Variants in MAPK10 observed in about 807,000 individuals in gnomAD.
The protein encoded by MAPK10 is mitogen-activated protein kinase 10.
A neutral mutation model predicts 59.3 loss-of-function variants in MAPK10; 25 were observed. The ratio of observed to expected loss-of-function variants is 0.42; its 90% CI spans 0.31 to 0.59. The LOEUF is 0.59. Ranked by LOEUF, MAPK10 falls within the 20% of genes least tolerant of loss-of-function variation. The pLI is 0.15. For synonymous variants in MAPK10, 190 were observed against 200.5 expected (o/e 0.95, Z 0.44); for missense variants, 351 against 568.9 (o/e 0.62, Z 3.90).
At position 86,577,461 on chromosome 4, in the gene MAPK10, A is replaced by C. The variant is rs138998192; in HGVS notation, c.-263+16449T>G. On this transcript the variant is annotated intron_variant, in intron 1 of 4. Transcript: ENST00000502302. ...CAGAACAATGATACAAAGAAATTCC[A>C]GAATGACATCTATGCAGCAGGCCTA... Among the ~76,000 whole-genome samples, 219 of 152,322 alleles carry C rather than the reference A, an allele frequency of 1.4e-3. 2 individuals carry two copies. The highest frequency in any genetic ancestry group is 5.0e-3 in the African/African-American group (207 of 41,578).
chr4:86,192,640 C>T (rs1301894572), intron 3 of MAPK10: 1 of 151,992 alleles, frequency 6.6e-6, no homozygotes, highest in Non-Finnish European at 1.5e-5. Context: ...TTATGTTCTT[C>T]TCTAAACTGG....
intron 5 of MAPK10, among the ~76,000 whole-genome samples, chr4:86,106,260 G>C (rs954984967): frequency 6.6e-6 from 1 of 151,960 alleles, no homozygotes; most frequent in Non-Finnish European, 1.5e-5. Context: ...GCGAGCATTA[G>C]GACAAGATCC....
At chr4:86,410,385 A>C (rs966597942) in intron 1 of MAPK10, among the ~76,000 whole-genome samples, 1 of 152,202 alleles carries the variant, frequency 6.6e-6, no homozygotes, top group African/African-American at 2.4e-5. Context: ...TGTCTCTGCC[A>C]GACTTTTGTA....
intron 1 of MAPK10, among the ~76,000 whole-genome samples, chr4:86,577,574 G>T (rs1306577473): frequency 6.6e-6 from 1 of 152,124 alleles, no homozygotes; most frequent in African/African-American, 2.4e-5. Flanking sequence ...TGCCAACCTT[G>T]TTGAGAGGAG....
At chr4:86,284,196 A>G (rs949252367) in intron 2 of MAPK10, among the ~76,000 whole-genome samples, 3 of 152,190 alleles carry the variant, frequency 2.0e-5, no homozygotes, top group Non-Finnish European at 4.4e-5. Flanking sequence ...GGAACATGCT[A>G]TTATTATCTC....
intron 1 of MAPK10, chr4:86,358,235 T>C: frequency 2.0e-6 from 2 of 985,402 alleles, no homozygotes; most frequent in Non-Finnish European, 2.4e-6. Context: ...CAGAAGCTTC[T>C]CTGAGAGAAA....
chr4:86,069,767 C>T (rs918732498), intron 9 of MAPK10, among the ~76,000 whole-genome samples: 3 of 151,908 alleles, frequency 2.0e-5, no homozygotes, highest in African/African-American at 7.2e-5. Flanking sequence ...AAAATAGAGG[C>T]AAAGAAGATG....
At chr4:86,024,568 C>T (rs1749198477) in intron 13 of MAPK10, 1 of 152,192 alleles carries the variant, frequency 6.6e-6, no homozygotes, top group African/African-American at 2.4e-5. Flanking sequence ...TACTTCATTT[C>T]TCCTGTCTTC....
rs146353483 is a variant in MAPK10 at position 86,274,703 on chromosome 4, T to C, written c.-7+79827A>G. The stretch of plus-strand genomic sequence containing the variant: ...ATGCCAATCTGCATGGTAAACTGAT[T>C]AGGCAGAGGAACAGAGGAAAACCTG... On this transcript the variant is annotated intron_variant, in intron 2 of 13. Transcript: ENST00000641462. Among the ~76,000 whole-genome samples, 1,146 of 152,110 alleles carry C rather than the reference T, an allele frequency of 7.5e-3. 10 individuals carry two copies. Among genetic ancestry groups the C allele is most frequent in the African/African-American group, 0.025 (1,047 of 41,542 alleles).
intron 2 of MAPK10, among the ~76,000 whole-genome samples, chr4:86,330,724 T>C (rs1157915652): frequency 6.6e-6 from 1 of 152,194 alleles, no homozygotes; most frequent in East Asian, 1.9e-4. Context: ...ACCTCTTTCC[T>C]TTATAAATTA....
chr4:86,199,596 G>A (rs536726725), intron 2 of MAPK10, among the ~76,000 whole-genome samples: 10 of 152,162 alleles, frequency 6.6e-5, no homozygotes, highest in Middle Eastern at 3.4e-3. Flanking sequence ...GGGAAGGGGC[G>A]TGCAGGGAGC....
At chr4:86,172,547 G>C (rs763937337) in intron 3 of MAPK10, among the ~76,000 whole-genome samples, 22 of 150,662 alleles carry the variant, frequency 1.5e-4, no homozygotes, top group Non-Finnish European at 2.5e-4. Context: ...ACACAGGAAG[G>C]GGAATATCAC....
chr4:86,386,323 G>C lies in MAPK10; in HGVS notation c.-121-31679C>G, dbSNP rs185635077. 2.8e-4 allele frequency among the ~76,000 whole-genome samples: 42 copies of C among 152,340 alleles called. No homozygotes were observed. In the East Asian group the frequency reaches 7.9e-3, roughly 29 times the overall value. ...AGTGGAAGCTTGAGAAAAGTTAGCA[G>C]GAATGCTCAGGTGTACCATACTCCC... On this transcript the variant is annotated intron_variant, in intron 1 of 13. Transcript: ENST00000361569.
intron 1 of MAPK10, among the ~76,000 whole-genome samples, chr4:86,394,584 A>G (rs1463551604): frequency 6.6e-6 from 1 of 152,134 alleles, no homozygotes; most frequent in Non-Finnish European, 1.5e-5. Flanking sequence ...GCTGAGAAAC[A>G]TTTATTTAAT....
chr4:86,580,183 A>C (rs1307979069), intron 1 of MAPK10, among the ~76,000 whole-genome samples: 1 of 152,130 alleles, frequency 6.6e-6, no homozygotes, highest in Non-Finnish European at 1.5e-5. Context: ...GAAACAAATT[A>C]ATAATTAGAC....
intron 1 of MAPK10, among the ~76,000 whole-genome samples, chr4:86,430,713 G>C (rs903157782): frequency 1.1e-4 from 16 of 152,146 alleles, no homozygotes; most frequent in African/African-American, 3.6e-4. Flanking sequence ...AAGAGGTGTG[G>C]CAGTACATGT....
rs149275263 is a variant in MAPK10 at position 86,081,406 on chromosome 4, G to A, written c.803-13451C>T. On this transcript the variant is annotated intron_variant, in intron 9 of 13. Coordinates refer to ENST00000641462, the MANE Select transcript of MAPK10 (RefSeq NM_138982.4). ...TTCTAAAACTATTATAAAATAAAAT[G>A]GGAAAATAATCCAAATACAAGAAGA... 55 of 151,718 alleles carry A rather than the reference G, an allele frequency of 3.6e-4. 1 individual carries two copies. The East Asian group carries it at 9.9e-3, about 27-fold the overall frequency. 9.4% of individuals were successfully genotyped at this position (151,718 alleles called of 1,614,324 possible). A position where few individuals can be genotyped will look rare whatever the true frequency, so the allele number is the denominator to read the frequency against.
At chr4:86,437,978 G>A (rs1443194509) in intron 1 of MAPK10, among the ~76,000 whole-genome samples, 1 of 152,164 alleles carries the variant, frequency 6.6e-6, no homozygotes, top group Non-Finnish European at 1.5e-5. Context: ...TTGTTCAAAA[G>A]TCAAACAAAA....
intron 2 of MAPK10, among the ~76,000 whole-genome samples, chr4:86,201,243 T>G (rs1465014492): frequency 6.6e-6 from 1 of 151,916 alleles, no homozygotes; most frequent in African/African-American, 2.4e-5. Flanking sequence ...TATTTATCCA[T>G]TCTTCTGCTG....
Sources: allele counts gnomAD v4.1 joint callset (sites outside exome capture counted in the v4.1 genomes callset), GRCh38; gene constraint gnomAD v4.1.1; transcripts MANE v1.5; gene names NCBI Gene and HGNC (gene_info 2026-07-23, HGNC 2026-07-21).